FBXW10B: variants seen among roughly 807,000 people sequenced by gnomAD.
FBXW10B encodes the protein F-box and WD repeat domain containing 10B.
At chr17:15,587,189 T>C in the FBXW10B span, among the ~76,000 whole-genome samples, 2 of 150,790 alleles carry the variant, frequency 1.3e-5, no homozygotes, top group South Asian at 4.2e-4. Flanking sequence ...AGAGTGGGAA[T>C]GTTGGATGGA....
the FBXW10B span, among the ~76,000 whole-genome samples, chr17:15,569,455 CTT>C: frequency 0.072 from 4,233 of 58,512 alleles, 29 homozygotes; most frequent in East Asian, 0.24. Context: ...TTTTCTTTTT[CTT>C]TTTTTTTTTT....
chr17:15,618,211 C>T, the FBXW10B span, among the ~76,000 whole-genome samples: 4 of 152,052 alleles, frequency 2.6e-5, no homozygotes, highest in Non-Finnish European at 5.9e-5. Context: ...ACCTGTAGTC[C>T]CAGCTACTTG....
the FBXW10B span, among the ~76,000 whole-genome samples, chr17:15,618,306 T>A: frequency 6.6e-6 from 1 of 151,618 alleles, no homozygotes; most frequent in Non-Finnish European, 1.5e-5. Flanking sequence ...CCAGCCTGGG[T>A]GACAGCGAGA....
At chr17:15,565,995 CAA>C in the FBXW10B span, 2 of 1,610,770 alleles carry the variant, frequency 1.2e-6, no homozygotes, top group South Asian at 1.1e-5. Flanking sequence ...TAGGACTGTG[CAA>C]AGAGATCTTC....
the FBXW10B span, among the ~76,000 whole-genome samples, chr17:15,600,690 T>C: frequency 6.6e-6 from 1 of 152,076 alleles, no homozygotes; most frequent in Non-Finnish European, 1.5e-5. Flanking sequence ...GCCACAGCAC[T>C]GGAAGGCCTA....
chr17:15,601,609 C>T, the FBXW10B span, among the ~76,000 whole-genome samples: 4 of 152,128 alleles, frequency 2.6e-5, no homozygotes, highest in East Asian at 3.9e-4. Context: ...AAAATTATAA[C>T]GTGTACAGCA....
the FBXW10B span, among the ~76,000 whole-genome samples, chr17:15,611,023 CTT>C: frequency 2.3e-4 from 29 of 128,474 alleles, no homozygotes; most frequent in Non-Finnish European, 2.6e-4. Flanking sequence ...AATGTGTTTT[CTT>C]TTTTTTTTTT....
the FBXW10B span, among the ~76,000 whole-genome samples, chr17:15,600,040 A>C: frequency 0.47 from 71,034 of 150,366 alleles, 17,695 homozygotes; most frequent in African/African-American, 0.61. Flanking sequence ...CATGGTGAAA[A>C]CCCGTCTCTA....
chr17:15,613,166 G>C, the FBXW10B span, among the ~76,000 whole-genome samples: 2 of 151,642 alleles, frequency 1.3e-5, no homozygotes, highest in African/African-American at 4.9e-5. Context: ...CTTCTGGCAA[G>C]AAACTGAGAA....
the FBXW10B span, chr17:15,619,147 C>G: frequency 6.2e-7 from 1 of 1,614,014 alleles, no homozygotes; most frequent in Non-Finnish European, 8.5e-7. Flanking sequence ...CAAACCAATA[C>G]AAGATCTCTT....
chr17:15,616,105 C>G, the FBXW10B span, among the ~76,000 whole-genome samples: 1 of 151,970 alleles, frequency 6.6e-6, no homozygotes, highest in Non-Finnish European at 1.5e-5. Flanking sequence ...GAAGCTCAAG[C>G]TGAATTTTCT....
the FBXW10B span, among the ~76,000 whole-genome samples, chr17:15,599,763 C>T: frequency 6.6e-6 from 1 of 152,018 alleles, no homozygotes; most frequent in East Asian, 1.9e-4. Flanking sequence ...TTCAGCTAGG[C>T]TGCTTTTGAG....
At chr17:15,617,721 T>G in the FBXW10B span, among the ~76,000 whole-genome samples, 1 of 152,172 alleles carries the variant, frequency 6.6e-6, no homozygotes, top group African/African-American at 2.4e-5. Context: ...TACGTTGATT[T>G]CCCTTGCATT....
At chr17:15,596,526 G>A in the FBXW10B span, 1 of 1,597,946 alleles carries the variant, frequency 6.3e-7, no homozygotes, top group Non-Finnish European at 8.5e-7. Flanking sequence ...TTACCAACTG[G>A]GCCATGGCAA....
chr17:15,609,425 C>T, the FBXW10B span, among the ~76,000 whole-genome samples: 19 of 152,256 alleles, frequency 1.2e-4, no homozygotes, highest in African/African-American at 4.3e-4. Context: ...ATAATGCCGC[C>T]CTGGATTCTC....
At chr17:15,607,590 G>A in the FBXW10B span, 10 of 1,613,552 alleles carry the variant, frequency 6.2e-6, no homozygotes, top group African/African-American at 4.0e-5. Flanking sequence ...GAGAGAATGC[G>A]AACATTGTAG....
At chr17:15,578,166 CA>C in the FBXW10B span, among the ~76,000 whole-genome samples, 1 of 152,036 alleles carries the variant, frequency 6.6e-6, no homozygotes, top group African/African-American at 2.4e-5. Flanking sequence ...TCAGAGATGG[CA>C]AAATAATGGC....
chr17:15,613,687 G>A, the FBXW10B span: 728 of 1,604,706 alleles, frequency 4.5e-4, 2 homozygotes, highest in African/African-American at 7.4e-3. Flanking sequence ...GAGCCATGGC[G>A]GCCCAGTGCT....
chr17:15,600,183 T>C, the FBXW10B span, among the ~76,000 whole-genome samples: 1 of 148,834 alleles, frequency 6.7e-6, no homozygotes, highest in Non-Finnish European at 1.5e-5. Flanking sequence ...GCCACTGCAC[T>C]CCAGCCTGGG....
Sources: allele counts gnomAD v4.1 joint callset (sites outside exome capture counted in the v4.1 genomes callset), GRCh38; gene constraint gnomAD v4.1.1; transcripts MANE v1.5; gene names NCBI Gene and HGNC (gene_info 2026-07-23, HGNC 2026-07-21).